Variants in HEPACAM observed in about 807,000 individuals in gnomAD.
The protein encoded by HEPACAM is hepatic and glial cell adhesion molecule, also known as hepatocyte cell adhesion molecule.
HEPACAM carries 18 observed loss-of-function variants against 38.3 expected under a neutral mutation model. The ratio of observed to expected loss-of-function variants is 0.47; its 90% CI spans 0.33 to 0.70. The LOEUF (loss-of-function observed/expected upper bound fraction) is 0.70, where lower values mean the gene tolerates loss of function less well. Among genes scored for constraint, HEPACAM ranks in the 30% least tolerant of loss-of-function variants. HEPACAM has a pLI of 0.03. For synonymous variants in HEPACAM, 216 were observed against 243.1 expected (o/e 0.89, Z 1.04); for missense variants, 466 against 563.0 (o/e 0.83, Z 1.74).
chr11:124,933,316 C>A (rs1050349500), intron 1 of HEPACAM, among the ~76,000 whole-genome samples: 1 of 151,954 alleles, frequency 6.6e-6, no homozygotes, highest in African/African-American at 2.4e-5. Flanking sequence ...GAATTACAAG[C>A]GTGCACCACT....
At position 124,919,762 on chromosome 11, in the gene HEPACAM, G is replaced by T; in HGVS notation, c.*1376C>A. On this transcript the variant is annotated 3_prime_UTR_variant, in exon 7 of 7. Transcript: ENST00000298251. ...CTGGTGTGGAGGTGATGGGTAACTG[G>T]GGCCTTGGAATTGCTCCATGGGTTG... The T allele has an allele frequency of 6.2e-7, 1 of 1,613,872 alleles. No individual in the cohort carries two copies. The highest frequency in any genetic ancestry group is 8.5e-7 in the Non-Finnish European group (1 of 1,179,954).
Position 124,921,513 on chromosome 11 carries a change from G to C in HEPACAM, c.949-73C>G. 1 of 1,006,576 alleles carries C rather than the reference G, an allele frequency of 9.9e-7. No individual in the cohort carries two copies. The highest frequency in any genetic ancestry group is 1.7e-5 in the African/African-American group (1 of 59,986). 62.4% of individuals were successfully genotyped at this position (1,006,576 alleles called of 1,614,324 possible). A position where few individuals can be genotyped will look rare whatever the true frequency, so the allele number is the denominator to read the frequency against. On this transcript the variant is annotated intron_variant, in intron 6 of 6. Coordinates refer to ENST00000298251, the MANE Select transcript of HEPACAM (RefSeq NM_152722.5). This position sits in a 1 kb window ranked among gnomAD's most constrained non-coding sequence, Gnocchi z 4.6. ...GGGAGCGCGCCTGGTGTTAGAGCTT[G>C]CTGGAATTCCGAGGGGAGGGACCTA...
intron 3 of HEPACAM, 121 bp downstream of exon 3, chr11:124,923,608 T>C: frequency 2.3e-6 from 3 of 1,292,558 alleles, no homozygotes; most frequent in Non-Finnish European, 3.3e-6. Context: ...CCTCCATGGA[T>C]AGTTGGCCCA....
Position 124,921,744 on chromosome 11 carries a change from A to T in HEPACAM, c.949-304T>A, listed in dbSNP as rs1947142033. On this transcript the variant is annotated intron_variant, in intron 6 of 6. Coordinates refer to ENST00000298251, the MANE Select transcript of HEPACAM (RefSeq NM_152722.5). The surrounding 1 kb of genome is among the most constrained non-coding windows in gnomAD (Gnocchi z 4.6). ...GACAGTTAGTTGTGGAATACTGGGGAAATCACCAGAACTGGTGTCCAAAGA... is the reference window on the plus strand; with the variant it reads ...GACAGTTAGTTGTGGAATACTGGGGTAATCACCAGAACTGGTGTCCAAAGA... 6.6e-6 allele frequency among the ~76,000 whole-genome samples: 1 copy of T among 152,190 alleles called. No homozygotes were observed. Among genetic ancestry groups the T allele is most frequent in the South Asian group, 2.1e-4 (1 of 4,834 alleles).
chr11:124,921,218 C>A lies in HEPACAM; in HGVS notation c.1171G>T (p.Ala391Ser). 6.8e-7 allele frequency: 1 copy of A among 1,478,422 alleles called. No individual in the cohort carries two copies. The highest frequency in any genetic ancestry group is 2.9e-5 in the East Asian group (1 of 34,376). The allele number at this position is 1,478,422 out of a possible 1,614,324, so 91.6% of individuals were successfully genotyped here. A position where few individuals can be genotyped will look rare whatever the true frequency, so the allele number is the denominator to read the frequency against. Residue 391 changes from alanine (A) to serine (S), a missense_variant, in exon 7 of 7, where the codon GCC (alanine) becomes TCC (serine). Ala to Ser is a moderately conservative substitution (Grantham distance 99, BLOSUM62 1). Transcript: ENST00000298251. The surrounding 1 kb of genome is among the most constrained non-coding windows in gnomAD (Gnocchi z 4.6). The part of the protein sequence containing the change: ...APSSPGRSRS[A>S]SRTLRTAGVH... The stretch of plus-strand genomic sequence containing the variant: ...CCCGCAGTCCGCAGTGTGCGCGAGG[C>A]GCTGCGCGAGCGGCCGGGCGAGCTC...
Position 124,927,510 on chromosome 11 carries a change from G to GTTTTTTTTTTTTTTTTT in HEPACAM, c.86-2442_86-2441insAAAAAAAAAAAAAAAAA, listed in dbSNP as rs763291809. Among the ~76,000 whole-genome samples, 88 of 99,214 alleles carry GTTTTTTTTTTTTTTTTT rather than the reference G, an allele frequency of 8.9e-4. 1 individual carries two copies. The highest frequency in any genetic ancestry group is 1.0e-3 in the African/African-American group (25 of 23,878). The allele number at this position is 99,214 out of a possible 152,430, so 65.1% of individuals were successfully genotyped here. ...GGCATGTGCCACTATGCCCAGCTAG[G>GTTTTTTTTTTTTTTTTT]TTTTTTTTTTTTGTTTTTTTTTTTT... is the stretch of plus-strand genomic sequence containing the variant. On this transcript the variant is annotated intron_variant, in intron 1 of 6. Transcript: ENST00000298251.
At position 124,920,030 on chromosome 11, in the gene HEPACAM, C is replaced by A. The variant is rs1346351165; in HGVS notation, c.*1108G>T. 3.1e-6 allele frequency: 5 copies of A among 1,607,690 alleles called. No homozygotes were observed. The highest frequency in any genetic ancestry group is 3.4e-6 in the Non-Finnish European group (4 of 1,176,792). ...GATGTTAGTGTGATTAGGGAGTCTG[C>A]CCTTTTTCTGTGCCCTGGGACCTGA... On this transcript the variant is annotated 3_prime_UTR_variant, in exon 7 of 7. Coordinates refer to ENST00000298251, the MANE Select transcript of HEPACAM (RefSeq NM_152722.5).
At position 124,919,726 on chromosome 11, in the gene HEPACAM, C is replaced by T; in HGVS notation, c.*1412G>A. ...AATGTCAGTGCCTTTGGGGCTGAGA[C>T]AAAACTTGACCTGGTGTGGAGGTGA... On this transcript the variant is annotated 3_prime_UTR_variant, in exon 7 of 7. Coordinates refer to ENST00000298251, the MANE Select transcript of HEPACAM (RefSeq NM_152722.5). 6.2e-7 allele frequency: 1 copy of T among 1,610,298 alleles called. No homozygotes were observed. Among genetic ancestry groups the T allele is most frequent in the East Asian group, 2.2e-5 (1 of 44,830 alleles).
At chr11:124,922,068 C>A (rs1405169193) in intron 6 of HEPACAM, among the ~76,000 whole-genome samples, 2 of 152,222 alleles carry the variant, frequency 1.3e-5, no homozygotes, top group Non-Finnish European at 2.9e-5. Context: ...GCTCCGCCTC[C>A]TGTCAGATTC....
In HEPACAM at chr11:124,923,797, AG is replaced by A; in HGVS notation, c.640del (p.Leu214CysfsTer41). ...GGGGTTCTCCACCATGCAGCTGTACAGGTCGTCATCCTCCATGAGCACGCGG... is the reference window on the plus strand; with the variant it reads ...GGGGTTCTCCACCATGCAGCTGTACAGTCGTCATCCTCCATGAGCACGCGG... ...ITRVLMEDDD[L>X]YSCMVENPIS... is the part of the protein sequence containing the mutation. On this transcript the variant is annotated frameshift_variant, in exon 3 of 7. Coordinates refer to ENST00000298251, the MANE Select transcript of HEPACAM (RefSeq NM_152722.5). LOFTEE classifies it high-confidence loss of function. The A allele has an allele frequency of 6.2e-7, 1 of 1,614,222 alleles. No individual in the cohort carries two copies. The highest frequency in any genetic ancestry group is 8.5e-7 in the Non-Finnish European group (1 of 1,180,040).
In HEPACAM at chr11:124,924,740, G is replaced by A. The variant is rs1947184467; in HGVS notation, c.415C>T (p.Leu139Phe). 6.2e-7 allele frequency: 1 copy of A among 1,612,952 alleles called. No homozygotes were observed. Among genetic ancestry groups the A allele is most frequent in the Admixed American group, 1.7e-5 (1 of 60,032 alleles). The change falls in exon 2 of 7, where the codon CTT becomes TTT. Residue 139 changes from leucine to phenylalanine, a missense_variant. By Grantham distance (22) the Leu-to-Phe change is conservative. Transcript: ENST00000298251. The surrounding 1 kb of genome is among the most constrained non-coding windows in gnomAD (Gnocchi z 4.4). ...CAGAGCGCTTTACCATCTACAGTAA[G>A]GTTGATGGTCTTCTCCCCAGTGAAG... is the stretch of plus-strand genomic sequence containing the variant. ...DTFTGEKTIN[L>F]TVDVPISRPQ...
chr11:124,921,230 G>T lies in HEPACAM; in HGVS notation c.1159C>A (p.Arg387Ser), dbSNP rs1591546836. 2 of 1,469,952 alleles carry T rather than the reference G, an allele frequency of 1.4e-6. No individual in the cohort carries two copies. Among genetic ancestry groups the T allele is most frequent in the Non-Finnish European group, 1.8e-6 (2 of 1,116,856 alleles). The allele number at this position is 1,469,952 out of a possible 1,614,324, so 91.1% of individuals were successfully genotyped here. A position where few individuals can be genotyped will look rare whatever the true frequency, so the allele number is the denominator to read the frequency against. Residue 387 changes from arginine (R) to serine (S), a missense_variant, in exon 7 of 7, where the codon CGC becomes AGC. Transcript: ENST00000298251. The surrounding 1 kb of genome is among the most constrained non-coding windows in gnomAD (Gnocchi z 4.6). ...AGTGTGCGCGAGGCGCTGCGCGAGC[G>T]GCCGGGCGAGCTCGGGGCCCTGGGC... ...SPPRAPSSPG[R>S]SRSASRTLRT...
At chr11:124,935,063 T>G (rs1947326208) in intron 1 of HEPACAM, among the ~76,000 whole-genome samples, 1 of 152,112 alleles carries the variant, frequency 6.6e-6, no homozygotes, top group Admixed American at 6.6e-5. Flanking sequence ...TTTTTCCCCA[T>G]CTTTTAAAAT....
At chr11:124,923,658 T>A in intron 3 of HEPACAM, 71 bp downstream of exon 3, 1 of 1,575,920 alleles carries the variant, frequency 6.3e-7, no homozygotes, top group Non-Finnish European at 8.7e-7. Flanking sequence ...CTTTGGGATG[T>A]CCTCAGTCCC....
chr11:124,926,174 C>G (rs954563921), intron 1 of HEPACAM, among the ~76,000 whole-genome samples: 2 of 152,134 alleles, frequency 1.3e-5, no homozygotes, highest in African/African-American at 4.8e-5. Flanking sequence ...TGCATTTGAA[C>G]CTGGGTGACA....
intron 1 of HEPACAM, among the ~76,000 whole-genome samples, chr11:124,926,767 A>C (rs1947216065): frequency 6.6e-6 from 1 of 152,072 alleles, no homozygotes; most frequent in South Asian, 2.1e-4. Context: ...GAGGAAACTG[A>C]GCTGTACCTT....
chr11:124,927,511 T>G (rs1207896236), intron 1 of HEPACAM, among the ~76,000 whole-genome samples: 10 of 44,790 alleles, frequency 2.2e-4, no homozygotes, highest in African/African-American at 9.0e-4. Flanking sequence ...CCCAGCTAGG[T>G]TTTTTTTTTT....
intron 1 of HEPACAM, 114 bp from the exon 2 acceptor site, chr11:124,925,183 C>T: frequency 1.3e-6 from 1 of 758,314 alleles, no homozygotes; most frequent in Non-Finnish European, 2.1e-6. Context: ...GCTCTTCACT[C>T]CCTGCCAATC....
intron 1 of HEPACAM, among the ~76,000 whole-genome samples, chr11:124,929,316 C>G (rs776975139): frequency 2.0e-5 from 3 of 152,162 alleles, no homozygotes; most frequent in Non-Finnish European, 4.4e-5. Context: ...TGGGCATGTC[C>G]GTGGGCCAAA....
Sources: gnomAD v4.1 joint callset for allele counts (sites outside exome capture counted in the v4.1 genomes callset) on GRCh38, gnomAD v4.1.1 for gene constraint, Gnocchi (gnomAD v3.1) non-coding constraint, MANE v1.5 for transcripts, NCBI Gene and HGNC (gene_info 2026-07-23, HGNC 2026-07-21) for gene names.